ABLIM2: variants seen among roughly 807,000 people sequenced by gnomAD.
ABLIM2 encodes actin binding LIM protein family member 2.
Under a neutral mutation model 97.7 loss-of-function variants are expected in ABLIM2, and 53 were observed. That is an observed-to-expected ratio of 0.54 (90% CI 0.44 to 0.68). ABLIM2 has a LOEUF of 0.68. Ranked by LOEUF, ABLIM2 falls within the 30% of genes least tolerant of loss-of-function variation. ABLIM2 has a pLI of 0.00. For missense variants in ABLIM2, 835 were observed against 867.2 expected, an observed-to-expected ratio of 0.96 and a Z score of 0.47; for synonymous variants, 361 against 345.8, an observed-to-expected ratio of 1.04 and a Z score of -0.49.
chr4:8,095,041 C>A lies in ABLIM2; in HGVS notation c.338+2058G>T, dbSNP rs6849594. On this transcript the variant is annotated intron_variant, in intron 3 of 20. Transcript: ENST00000447017. The surrounding 1 kb of genome is among the most constrained non-coding windows in gnomAD (Gnocchi z 4.7). ...CTCTCTCCCCCCACTTCTTTCCTTC[C>A]TTCCTTCTTTCTTTCTTTCTCTTTC... Among the ~76,000 whole-genome samples, 1 of 143,054 alleles carries A rather than the reference C, an allele frequency of 7.0e-6. No homozygotes were observed. The highest frequency in any genetic ancestry group is 7.3e-5 in the Admixed American group (1 of 13,716). 93.8% of individuals were successfully genotyped at this position (143,054 alleles called of 152,430 possible). A position where few individuals can be genotyped will look rare whatever the true frequency, so the allele number is the denominator to read the frequency against.
rs12505435 is a variant in ABLIM2 at position 8,128,779 on chromosome 4, A to C, written c.11-22142T>G. ...ATTAGGTCTTGCAGGTGGAGCCCTC[A>C]TCATGGGATGAGTGCCCTTGTAAGA... On this transcript the variant is annotated intron_variant, in intron 1 of 20. Coordinates refer to ENST00000447017, the MANE Select transcript of ABLIM2 (RefSeq NM_001130083.2). The surrounding 1 kb of genome is among the most constrained non-coding windows in gnomAD (Gnocchi z 4.9). 1.3e-5 allele frequency among the ~76,000 whole-genome samples: 2 copies of C among 152,038 alleles called. No homozygotes were observed. Among genetic ancestry groups the C allele is most frequent in the African/African-American group, 2.4e-5 (1 of 41,390 alleles).
chr4:7,990,933 A>G (rs897625976), intron 17 of ABLIM2, among the ~76,000 whole-genome samples: 5 of 152,208 alleles, frequency 3.3e-5, no homozygotes, highest in African/African-American at 1.2e-4. Flanking sequence ...TCTCCCCCAG[A>G]AGCAATGTGA....
At chr4:8,145,151 A>G (rs896906713) in intron 1 of ABLIM2, among the ~76,000 whole-genome samples, 10 of 150,700 alleles carry the variant, frequency 6.6e-5, no homozygotes, top group African/African-American at 2.4e-4. Context: ...TCCTGTGCCC[A>G]GTGTTGCTAG....
Position 8,009,080 on chromosome 4 carries a change from C to A in ABLIM2, c.1446G>T (p.Glu482Asp), listed in dbSNP as rs1311703718. 6.2e-7 allele frequency: 1 copy of A among 1,614,034 alleles called. No homozygotes were observed. The highest frequency in any genetic ancestry group is 1.1e-5 in the South Asian group (1 of 91,080). ...TGTTATCCTGGTCCAAGCTTCCATC[C>A]TCCCCATCCGATCGCCTGGCAGCTG... ...RQHAARRSDG[E>D]DGSLDQDNRK... Residue 482 changes from glutamate (E) to aspartate (D), a missense_variant, in exon 15 of 21, where the codon GAG becomes GAT. Transcript: ENST00000447017.
intron 10 of ABLIM2, among the ~76,000 whole-genome samples, chr4:8,035,148 C>G (rs1783824049): frequency 6.6e-6 from 1 of 151,842 alleles, no homozygotes; most frequent in Admixed American, 6.6e-5. Flanking sequence ...TCAGCTCCCC[C>G]CACTGGTCCC....
At position 8,155,930 on chromosome 4, in the gene ABLIM2, A is replaced by G. The variant is rs1469499835; in HGVS notation, c.10+2750T>C. Among the ~76,000 whole-genome samples the G allele has an allele frequency of 6.6e-6, 1 of 152,164 alleles. No homozygotes were observed. Among genetic ancestry groups the G allele is most frequent in the Admixed American group, 6.5e-5 (1 of 15,284 alleles). On this transcript the variant is annotated intron_variant, in intron 1 of 20. Transcript: ENST00000447017. This position sits in a 1 kb window ranked among gnomAD's most constrained non-coding sequence, Gnocchi z 4.2. ...AAGGAGAGGGGCTTTGGAAGGAAGT[A>G]ACCCAGCTGACACCTTGATCTCAGA... is the stretch of plus-strand genomic sequence containing the variant.
At chr4:8,097,532 C>G (rs1353545086) in intron 2 of ABLIM2, among the ~76,000 whole-genome samples, 1 of 152,222 alleles carries the variant, frequency 6.6e-6, no homozygotes, top group South Asian at 2.1e-4. Flanking sequence ...CTGACCGGGA[C>G]AAGAGCCAGG....
chr4:8,152,158 T>G (rs546025396), intron 1 of ABLIM2, among the ~76,000 whole-genome samples: 27 of 152,116 alleles, frequency 1.8e-4, no homozygotes, highest in African/African-American at 6.5e-4. Context: ...CCAGGCTTTA[T>G]CCACACCAAC....
At chr4:8,039,896 T>TTTTTTTTTTA (rs1787169884) in intron 9 of ABLIM2, among the ~76,000 whole-genome samples, 1 of 142,934 alleles carries the variant, frequency 7.0e-6, no homozygotes, top group Non-Finnish European at 1.5e-5. Flanking sequence ...TTTTTTTTTT[T>TTTTTTTTTTA]AATAAATGCA....
chr4:8,094,426 T>C (rs1274594831), intron 3 of ABLIM2, among the ~76,000 whole-genome samples: 5 of 152,138 alleles, frequency 3.3e-5, no homozygotes, highest in African/African-American at 1.2e-4. Context: ...AGTGCGCAAT[T>C]CCTGTCCCTT....
At chr4:8,014,255 C>T (rs1003552499) in intron 14 of ABLIM2, among the ~76,000 whole-genome samples, 1 of 152,248 alleles carries the variant, frequency 6.6e-6, no homozygotes, top group Non-Finnish European at 1.5e-5. Flanking sequence ...CCCGGGGTTT[C>T]ATCCCTTAGG....
intron 16 of ABLIM2, among the ~76,000 whole-genome samples, chr4:8,000,136 C>T (rs1002250295): frequency 6.6e-6 from 1 of 152,106 alleles, no homozygotes; most frequent in Non-Finnish European, 1.5e-5. Flanking sequence ...GTCTTGGTGT[C>T]TCCATCTGAG....
chr4:8,105,287 T>C (rs1011300178), intron 2 of ABLIM2, among the ~76,000 whole-genome samples: 3 of 152,196 alleles, frequency 2.0e-5, no homozygotes, highest in African/African-American at 4.8e-5. Flanking sequence ...TACACACATA[T>C]ACTTGGTTTT....
chr4:8,143,667 GCT>G (rs2152949464), intron 1 of ABLIM2, among the ~76,000 whole-genome samples: 1 of 152,270 alleles, frequency 6.6e-6, no homozygotes, highest in South Asian at 2.1e-4. Flanking sequence ...CCTGAGAAGT[GCT>G]TTCTCATGGA....
rs148271554 is a variant in ABLIM2 at position 8,155,763 on chromosome 4, C to T, written c.10+2917G>A. Among the ~76,000 whole-genome samples the T allele has an allele frequency of 3.0e-4, 40 of 131,368 alleles. No homozygotes were observed. In the East Asian group the frequency reaches 5.7e-3, roughly 19 times the overall value. 86.2% of individuals were successfully genotyped at this position (131,368 alleles called of 152,430 possible). ...GACACAGACACACACAAAGGGAAGA[C>T]GGGACGAGGACACAGACACACACAA... is the stretch of plus-strand genomic sequence containing the variant. On this transcript the variant is annotated intron_variant, in intron 1 of 20. Transcript: ENST00000447017. The surrounding 1 kb of genome is among the most constrained non-coding windows in gnomAD (Gnocchi z 4.2).
intron 3 of ABLIM2, among the ~76,000 whole-genome samples, chr4:8,094,538 A>G (rs906867504): frequency 1.3e-5 from 2 of 152,236 alleles, no homozygotes; most frequent in Non-Finnish European, 2.9e-5. Context: ...GTAATCAGAC[A>G]GGAACAGAAC....
intron 1 of ABLIM2, among the ~76,000 whole-genome samples, chr4:8,126,638 T>G (rs1848091701): frequency 6.6e-6 from 1 of 152,144 alleles, no homozygotes; most frequent in Non-Finnish European, 1.5e-5. Context: ...GCATTCATGC[T>G]GTCCCCCGAG....
At chr4:8,108,797 G>A (rs752379814) in intron 1 of ABLIM2, among the ~76,000 whole-genome samples, 8 of 152,202 alleles carry the variant, frequency 5.3e-5, no homozygotes, top group Non-Finnish European at 1.2e-4. Flanking sequence ...TTGCCACAGC[G>A]GCTCTGAGAA....
intron 2 of ABLIM2, among the ~76,000 whole-genome samples, chr4:8,104,864 C>T (rs1334448832): frequency 6.6e-6 from 1 of 152,188 alleles, no homozygotes; most frequent in Non-Finnish European, 1.5e-5. Context: ...ACTCTACACA[C>T]AGTCTTTAGA....
Sources: allele counts gnomAD v4.1 joint callset (sites outside exome capture counted in the v4.1 genomes callset), GRCh38; gene constraint gnomAD v4.1.1; non-coding constraint Gnocchi (gnomAD v3.1); transcripts MANE v1.5; gene names NCBI Gene and HGNC (gene_info 2026-07-23, HGNC 2026-07-21).